Variants in CTTNBP2 observed in about 807,000 individuals in gnomAD.
CTTNBP2 encodes the protein cortactin binding protein 2.
Under a neutral mutation model 156.9 loss-of-function variants are expected in CTTNBP2, and 108 were observed. That is an observed-to-expected ratio of 0.69 (90% confidence interval 0.59 to 0.81). The LOEUF (loss-of-function observed/expected upper bound fraction) is 0.81, where lower values mean the gene tolerates loss of function less well. Ranked by LOEUF, CTTNBP2 falls within the 30% of genes least tolerant of loss-of-function variation. CTTNBP2 has a pLI of 0.00. For missense variants in CTTNBP2, 1,924 were observed against 2,035.4 expected, an observed-to-expected ratio of 0.95 and a Z score of 1.05; for synonymous variants, 767 against 751.8, an observed-to-expected ratio of 1.02 and a Z score of -0.33.
At chr7:117,825,025 T>A (rs546156361) in intron 2 of CTTNBP2, among the ~76,000 whole-genome samples, 6 of 152,222 alleles carry the variant, frequency 3.9e-5, no homozygotes, top group Non-Finnish European at 8.8e-5. Flanking sequence ...AAGCAGGGCA[T>A]GCAGGTAGAA....
chr7:117,723,163 T>C (rs774040479), intron 19 of CTTNBP2, among the ~76,000 whole-genome samples: 2 of 152,160 alleles, frequency 1.3e-5, no homozygotes, highest in Non-Finnish European at 2.9e-5. Flanking sequence ...CAATATAAAA[T>C]ACTGATCTTT....
intron 19 of CTTNBP2, among the ~76,000 whole-genome samples, chr7:117,723,336 G>A (rs528901928): frequency 6.6e-6 from 1 of 151,920 alleles, no homozygotes; most frequent in South Asian, 2.1e-4. Context: ...CAAAATACAA[G>A]CTTAAAAATG....
intron 12 of CTTNBP2, chr7:117,755,386 T>A: frequency 3.1e-6 from 1 of 326,162 alleles, no homozygotes; most frequent in Non-Finnish European, 6.0e-6. Flanking sequence ...AGGGTCATAG[T>A]TCCAACTCAT....
chr7:117,796,682 C>T (rs34844482), intron 3 of CTTNBP2, among the ~76,000 whole-genome samples: 3,488 of 152,272 alleles, frequency 0.023, 60 homozygotes, highest in African/African-American at 0.033. Flanking sequence ...CATAACACAA[C>T]AGACTATTTG....
At position 117,792,674 on chromosome 7, in the gene CTTNBP2, C is replaced by G; in HGVS notation, c.522G>C (p.Leu174=). 6.2e-7 allele frequency: 1 copy of G among 1,614,008 alleles called. No individual in the cohort carries two copies. Among genetic ancestry groups the G allele is most frequent in the Non-Finnish European group, 8.5e-7 (1 of 1,180,000 alleles). The change falls in exon 4 of 23, where the codon CTG becomes CTC. Residue 174 remains leucine (L), a synonymous_variant. Coordinates refer to ENST00000160373, the MANE Select transcript of CTTNBP2 (RefSeq NM_033427.3). This position sits in a 1 kb window ranked among gnomAD's most constrained non-coding sequence, Gnocchi z 4.2. ...CTGAGAGCTGCTTGCACTCTTTGAC[C>G]AGCATCAGGACCACCTGCTTGTTCT... is the stretch of plus-strand genomic sequence containing the variant. The part of the protein sequence containing the change: ...RGKNKQVVLM[L]VKECKQLSGK...
At position 117,710,787 on chromosome 7, in the gene CTTNBP2, G is replaced by GTTAA. The variant is rs1331425836; in HGVS notation, c.*746_*749dup. On this transcript the variant is annotated 3_prime_UTR_variant, in exon 23 of 23. Coordinates refer to ENST00000160373, the MANE Select transcript of CTTNBP2 (RefSeq NM_033427.3). ...TTGTGCTACTAGAAATATTGAAGGA[G>GTTAA]TTAATTCTGAATTTATTCATTTATG... 1.3e-5 allele frequency: 2 copies of GTTAA among 152,552 alleles called. No individual in the cohort carries two copies. The highest frequency in any genetic ancestry group is 3.8e-4 in the East Asian group (2 of 5,204). The allele number at this position is 152,552 out of a possible 1,614,324, so 9.4% of individuals were successfully genotyped here.
At chr7:117,872,591 C>T (rs1804688274) in intron 1 of CTTNBP2, among the ~76,000 whole-genome samples, 1 of 152,164 alleles carries the variant, frequency 6.6e-6, no homozygotes, top group South Asian at 2.1e-4. Flanking sequence ...AATGGTAGCG[C>T]ATTCGGCCTC....
At chr7:117,869,070 T>G (rs1175273532) in intron 1 of CTTNBP2, among the ~76,000 whole-genome samples, 2 of 152,118 alleles carry the variant, frequency 1.3e-5, no homozygotes, top group Non-Finnish European at 2.9e-5. Context: ...ATGGTAGAGG[T>G]GCAGCCTCAA....
chr7:117,854,521 T>C (rs1056688321), intron 2 of CTTNBP2, among the ~76,000 whole-genome samples: 2 of 152,230 alleles, frequency 1.3e-5, no homozygotes, highest in Non-Finnish European at 1.5e-5. Context: ...ATTCTAGCAC[T>C]GAACCATACA....
chr7:117,766,614 C>T (rs1474670711), intron 9 of CTTNBP2, among the ~76,000 whole-genome samples: 2 of 152,048 alleles, frequency 1.3e-5, no homozygotes, highest in South Asian at 2.1e-4. Flanking sequence ...AGCATATACT[C>T]GTGGAGCTGG....
rs552909424 is a variant in CTTNBP2, at chr7:117,724,448, C to T, written c.4447+99G>A. 8.2e-5 allele frequency: 84 copies of T among 1,030,658 alleles called. No individual in the cohort carries two copies. The Admixed American group carries it at 2.1e-3, about 26-fold the overall frequency. The allele number at this position is 1,030,658 out of a possible 1,614,324, so 63.8% of individuals were successfully genotyped here. A position where few individuals can be genotyped will look rare whatever the true frequency, so the allele number is the denominator to read the frequency against. On this transcript the variant is annotated intron_variant, in intron 19 of 22. Transcript: ENST00000160373. ...TTAAAATACTTAAACTTTGTTTTAC[C>T]AAATGCATCGTGATAAAAATGAAAG...
In CTTNBP2 at chr7:117,753,345, G is replaced by A. The variant is rs116700965; in HGVS notation, c.3348+3210C>T. The stretch of plus-strand genomic sequence containing the variant: ...CAACCACTGTGGAAGACAGTGTGGC[G>A]ACTCCTCATTTCTTTCTAGAGGCAG... On this transcript the variant is annotated intron_variant, in intron 12 of 22. Coordinates refer to ENST00000160373, the MANE Select transcript of CTTNBP2 (RefSeq NM_033427.3). Among the ~76,000 whole-genome samples the A allele has an allele frequency of 2.2e-3, 332 of 152,248 alleles. 1 individual carries two copies. Among genetic ancestry groups the A allele is most frequent in the African/African-American group, 7.5e-3 (313 of 41,556 alleles).
intron 1 of CTTNBP2, among the ~76,000 whole-genome samples, chr7:117,863,257 T>C (rs891474019): frequency 6.6e-6 from 1 of 152,168 alleles, no homozygotes; most frequent in Non-Finnish European, 1.5e-5. Context: ...AGAGAAGTTA[T>C]TTGGAAAGGC....
chr7:117,738,461 C>T (rs1795826265), intron 14 of CTTNBP2, among the ~76,000 whole-genome samples: 1 of 152,130 alleles, frequency 6.6e-6, no homozygotes, highest in Non-Finnish European at 1.5e-5. Flanking sequence ...TAGACTCTTA[C>T]TGCTATGGTT....
intron 2 of CTTNBP2, among the ~76,000 whole-genome samples, chr7:117,832,158 T>A (rs1383626598): frequency 6.6e-6 from 1 of 152,086 alleles, no homozygotes; most frequent in East Asian, 1.9e-4. Flanking sequence ...AACCTGAGTG[T>A]CCACAGAGAC....
At position 117,724,433 on chromosome 7, in the gene CTTNBP2, TA is replaced by T. The variant is rs1485022499; in HGVS notation, c.4447+113del. On this transcript the variant is annotated intron_variant, in intron 19 of 22. Coordinates refer to ENST00000160373, the MANE Select transcript of CTTNBP2 (RefSeq NM_033427.3). ...CCATGAAAATGTGCATTAAAATACT[TA>T]AACTTTGTTTTACCAAATGCATCGT... 68 of 907,138 alleles carry T rather than the reference TA, an allele frequency of 7.5e-5. No individual in the cohort carries two copies. In the African/African-American group the frequency reaches 1.0e-3, roughly 14 times the overall value. 56.2% of individuals were successfully genotyped at this position (907,138 alleles called of 1,614,324 possible).
intron 12 of CTTNBP2, among the ~76,000 whole-genome samples, chr7:117,756,199 T>C (rs1029981908): frequency 9.2e-5 from 14 of 152,220 alleles, no homozygotes; most frequent in Non-Finnish European, 2.9e-5. Flanking sequence ...TTTTAAATTA[T>C]AAAAGTTTAT....
At chr7:117,761,929 C>A (rs1220808653) in intron 9 of CTTNBP2, among the ~76,000 whole-genome samples, 1 of 152,086 alleles carries the variant, frequency 6.6e-6, no homozygotes, top group Non-Finnish European at 1.5e-5. Flanking sequence ...ATTAAGTAAC[C>A]AACTGCTGGA....
chr7:117,866,073 G>A (rs771674314), intron 1 of CTTNBP2, among the ~76,000 whole-genome samples: 8 of 151,698 alleles, frequency 5.3e-5, no homozygotes, highest in East Asian at 3.9e-4. Flanking sequence ...ATTACTTGGC[G>A]CAAGCGTGGG....
Sources: allele counts gnomAD v4.1 joint callset (sites outside exome capture counted in the v4.1 genomes callset), GRCh38; gene constraint gnomAD v4.1.1; non-coding constraint Gnocchi (gnomAD v3.1); transcripts MANE v1.5; gene names NCBI Gene and HGNC (gene_info 2026-07-23, HGNC 2026-07-21).